PRICKLE2: variants seen among roughly 807,000 people sequenced by gnomAD.
PRICKLE2 encodes the protein prickle-like protein 2.
A neutral mutation model predicts 81.4 loss-of-function variants in PRICKLE2; 21 were observed. The observed-to-expected ratio is 0.26, with a 90% CI of 0.18 to 0.37. The LOEUF is 0.37. Among genes scored for constraint, PRICKLE2 ranks in the 10% least tolerant of loss-of-function variants. The pLI is 1.00. For missense variants in PRICKLE2, 940 were observed against 1,109.0 expected (o/e 0.85, Z 2.16); for synonymous variants, 456 against 421.5 (o/e 1.08, Z -1.00).
At chr3:64,185,138 A>T (rs2078201234) in intron 2 of PRICKLE2, among the ~76,000 whole-genome samples, 1 of 152,184 alleles carries the variant, frequency 6.6e-6, no homozygotes, top group Non-Finnish European at 1.5e-5. Flanking sequence ...CACAATTTTG[A>T]TCATCAACCC....
chr3:64,225,140 T>C lies in PRICKLE2; in HGVS notation c.-271A>G, dbSNP rs886058802. ...CACATTCCCTCAGGGAAAACAGCAC[T>C]GCTGGATCCAGACTCTGCTGGGGAA... On this transcript the variant is annotated 5_prime_UTR_variant, in exon 1 of 8. Coordinates refer to ENST00000638394, the MANE Select transcript of PRICKLE2 (RefSeq NM_198859.4). The C allele has an allele frequency of 1.7e-5, 17 of 985,294 alleles. No individual in the cohort carries two copies. Among genetic ancestry groups the C allele is most frequent in the Non-Finnish European group, 1.9e-5 (16 of 830,000 alleles). 61.0% of individuals were successfully genotyped at this position (985,294 alleles called of 1,614,324 possible). A position where few individuals can be genotyped will look rare whatever the true frequency, so the allele number is the denominator to read the frequency against.
chr3:64,192,725 C>A (rs2078366466), intron 2 of PRICKLE2, among the ~76,000 whole-genome samples: 1 of 152,122 alleles, frequency 6.6e-6, no homozygotes, highest in Non-Finnish European at 1.5e-5. Flanking sequence ...TGGTATCTAC[C>A]CTTCATCCTT....
chr3:64,161,877 A>G (rs1192697320), intron 3 of PRICKLE2, among the ~76,000 whole-genome samples: 1 of 152,114 alleles, frequency 6.6e-6, no homozygotes, highest in Non-Finnish European at 1.5e-5. Flanking sequence ...TTCACTTCCA[A>G]ATTAGTTAAC....
rs114936394 is a variant in PRICKLE2 at position 64,253,755 on chromosome 3, T to C, written c.129-54788A>G. On this transcript the variant is annotated intron_variant, in intron 2 of 8. Transcript: ENST00000295902. ...AGAAGGGGGAAGAAATTCAAGGACT[T>C]ACTTCTTACCACAGTTTATCACAGT... Among the ~76,000 whole-genome samples the C allele has an allele frequency of 1.5e-3, 231 of 151,332 alleles. 1 individual carries two copies. Among genetic ancestry groups the C allele is most frequent in the Admixed American group, 2.4e-3 (36 of 15,282 alleles).
chr3:64,175,085 G>C (rs1360959543), intron 2 of PRICKLE2: 1 of 157,980 alleles, frequency 6.3e-6, no homozygotes, highest in African/African-American at 2.4e-5. Context: ...CTGGACACTA[G>C]AGTCTCCTAC....
Position 64,225,138 on chromosome 3 carries a change from A to C in PRICKLE2, c.-269T>G. 1 of 985,456 alleles carries C rather than the reference A, an allele frequency of 1.0e-6. No individual in the cohort carries two copies. The highest frequency in any genetic ancestry group is 1.2e-6 in the Non-Finnish European group (1 of 829,994). The allele number at this position is 985,456 out of a possible 1,614,324, so 61.0% of individuals were successfully genotyped here. ...TCCACATTCCCTCAGGGAAAACAGC[A>C]CTGCTGGATCCAGACTCTGCTGGGG... On this transcript the variant is annotated 5_prime_UTR_variant, in exon 1 of 8. Transcript: ENST00000638394.
intron 2 of PRICKLE2, among the ~76,000 whole-genome samples, chr3:64,175,492 CA>C (rs1204844724): frequency 6.6e-6 from 1 of 152,164 alleles, no homozygotes; most frequent in Non-Finnish European, 1.5e-5. Flanking sequence ...AGTAGTACAA[CA>C]AGCATTGCAA....
intron 7 of PRICKLE2, among the ~76,000 whole-genome samples, chr3:64,133,945 G>T (rs549499328): frequency 1.3e-5 from 2 of 152,282 alleles, no homozygotes; most frequent in Non-Finnish European, 2.9e-5. Context: ...CTGAGTTCTG[G>T]TCAATCTTCC....
At chr3:64,256,351 G>C (rs1490648876) in intron 2 of PRICKLE2, among the ~76,000 whole-genome samples, 1 of 152,072 alleles carries the variant, frequency 6.6e-6, no homozygotes, top group Non-Finnish European at 1.5e-5. Context: ...CTGTATTTCG[G>C]AAAGGTTATA....
At chr3:64,114,966 T>C in intron 7 of PRICKLE2, among the ~76,000 whole-genome samples, 1 of 152,168 alleles carries the variant, frequency 6.6e-6, no homozygotes, top group African/African-American at 2.4e-5. Flanking sequence ...TCAGGTCATC[T>C]ACAAAAGGAA....
At chr3:64,229,358 C>A (rs2079070186), upstream of PRICKLE2, among the ~76,000 whole-genome samples, 1 of 152,094 alleles carries the variant, frequency 6.6e-6, no homozygotes. Context: ...GGGTAAGTGA[C>A]AGGAAGGGTG....
chr3:64,155,999 A>C (rs979498216), intron 5 of PRICKLE2, among the ~76,000 whole-genome samples: 3 of 152,244 alleles, frequency 2.0e-5, no homozygotes, highest in African/African-American at 7.2e-5. Flanking sequence ...TTACTTTAAA[A>C]GGGTCCTTAA....
intron 6 of PRICKLE2, among the ~76,000 whole-genome samples, chr3:64,149,605 T>C (rs1367751044): frequency 3.9e-5 from 6 of 152,322 alleles, no homozygotes; most frequent in Non-Finnish European, 8.8e-5. Context: ...GTGGCCTTTA[T>C]CTTCAGTGGC....
chr3:64,140,730 C>T (rs538573179), intron 7 of PRICKLE2, among the ~76,000 whole-genome samples: 16 of 152,294 alleles, frequency 1.1e-4, no homozygotes, highest in Middle Eastern at 3.4e-3. Flanking sequence ...CTCTGCTTGT[C>T]TGCCTTGTCT....
intron 2 of PRICKLE2, among the ~76,000 whole-genome samples, chr3:64,235,808 T>C (rs1426918401): frequency 6.6e-6 from 1 of 152,166 alleles, no homozygotes; most frequent in Non-Finnish European, 1.5e-5. Context: ...TGCCAGTCTT[T>C]GAGGCTGCCC....
intron 2 of PRICKLE2, among the ~76,000 whole-genome samples, chr3:64,236,848 T>C (rs2079188404): frequency 6.6e-6 from 1 of 152,232 alleles, no homozygotes; most frequent in African/African-American, 2.4e-5. Flanking sequence ...GCACTTTGTA[T>C]GGTGTCAAAT....
chr3:64,152,934 A>C (rs1672433732), intron 6 of PRICKLE2, among the ~76,000 whole-genome samples: 1 of 152,200 alleles, frequency 6.6e-6, no homozygotes, highest in African/African-American at 2.4e-5. Context: ...AAATGATGTT[A>C]ACAGAAGGCA....
chr3:64,154,185 G>A (rs902392113), intron 5 of PRICKLE2: 3 of 152,160 alleles, frequency 2.0e-5, no homozygotes, highest in Non-Finnish European at 4.4e-5. Context: ...ACAGAGCTGG[G>A]ACAACAGGAG....
At position 64,099,557 on chromosome 3, in the gene PRICKLE2, C is replaced by A. The variant is rs772427963; in HGVS notation, c.2029G>T (p.Asp677Tyr). 3 of 1,611,064 alleles carry A rather than the reference C, an allele frequency of 1.9e-6. No individual in the cohort carries two copies. Among genetic ancestry groups the A allele is most frequent in the Admixed American group, 1.7e-5 (1 of 59,980 alleles). Residue 677 changes from aspartate (D) to tyrosine (Y), a missense_variant, in exon 8 of 8, where the codon GAC (aspartate) becomes TAC (tyrosine). Transcript: ENST00000638394. The surrounding 1 kb of genome is among the most constrained non-coding windows in gnomAD (Gnocchi z 4.3). ...ERTRRRATSR[D>Y]DNRRFRPHRS... ...TGAGGTCGGAAACGGCGGTTGTCGTCGCGTGAAGTAGCTCTTCTCCGGGTG... is the reference window on the plus strand; with the variant it reads ...TGAGGTCGGAAACGGCGGTTGTCGTAGCGTGAAGTAGCTCTTCTCCGGGTG...
Sources: allele counts gnomAD v4.1 joint callset (sites outside exome capture counted in the v4.1 genomes callset), GRCh38; gene constraint gnomAD v4.1.1; non-coding constraint Gnocchi (gnomAD v3.1); transcripts MANE v1.5; gene names NCBI Gene and HGNC (gene_info 2026-07-23, HGNC 2026-07-21).